ROBO2: variants seen among roughly 807,000 people sequenced by gnomAD.
ROBO2 encodes the protein roundabout homolog 2.
A neutral mutation model predicts 160.8 loss-of-function variants in ROBO2; 53 were observed. The ratio of observed to expected loss-of-function variants is 0.33; its 90% CI spans 0.26 to 0.41. ROBO2 has a LOEUF of 0.41. Ranked by LOEUF, ROBO2 falls within the 10% of genes least tolerant of loss-of-function variation. The pLI is 1.00. For synonymous variants in ROBO2, 664 were observed against 611.7 expected, an observed-to-expected ratio of 1.09 and a Z score of -1.26; for missense variants, 1,577 against 1,722.4, an observed-to-expected ratio of 0.92 and a Z score of 1.49.
At chr3:76,466,200 T>A (rs944813813) in intron 2 of ROBO2, among the ~76,000 whole-genome samples, 5 of 152,062 alleles carry the variant, frequency 3.3e-5, no homozygotes, top group African/African-American at 1.2e-4. Context: ...ATCACTCATC[T>A]TTATCTTAGC....
At chr3:75,997,577 C>G (rs1198348127) in intron 2 of ROBO2, among the ~76,000 whole-genome samples, 1 of 142,434 alleles carries the variant, frequency 7.0e-6, no homozygotes, top group Non-Finnish European at 1.5e-5. Context: ...ACTGCAAGCT[C>G]TGCCTCCCGG....
At chr3:76,274,533 C>T (rs1467453939) in intron 2 of ROBO2, among the ~76,000 whole-genome samples, 2 of 151,798 alleles carry the variant, frequency 1.3e-5, no homozygotes, top group African/African-American at 4.8e-5. Context: ...AGAACAAAAA[C>T]CCTAGTTTCA....
chr3:75,976,472 T>G (rs560256641), intron 2 of ROBO2, among the ~76,000 whole-genome samples: 2 of 151,564 alleles, frequency 1.3e-5, no homozygotes, highest in East Asian at 3.9e-4. Context: ...ATAATCCCAC[T>G]TATACAATGT....
intron 2 of ROBO2, among the ~76,000 whole-genome samples, chr3:76,607,952 T>C (rs1389722787): frequency 6.6e-6 from 1 of 152,252 alleles, no homozygotes; most frequent in East Asian, 1.9e-4. Context: ...ACTGGTTTTC[T>C]TGCTTCCAGG....
intron 13 of ROBO2, 141 bp downstream of exon 14, chr3:77,568,575 C>T: frequency 1.0e-6 from 1 of 985,204 alleles, no homozygotes; most frequent in Non-Finnish European, 1.6e-6. Context: ...TAAAGAAAAT[C>T]AACAAATTAA....
At chr3:77,378,129 G>A (rs550436772) in intron 2 of ROBO2, among the ~76,000 whole-genome samples, 1 of 152,266 alleles carries the variant, frequency 6.6e-6, no homozygotes, top group African/African-American at 2.4e-5. Context: ...AAAAAAGGTA[G>A]TATAGATAAG....
chr3:76,162,041 C>A (rs1467435954), intron 2 of ROBO2, among the ~76,000 whole-genome samples: 1 of 152,146 alleles, frequency 6.6e-6, no homozygotes, highest in African/African-American at 2.4e-5. Flanking sequence ...TAGCCTTGAG[C>A]TCTTGCTACC....
In ROBO2 at chr3:75,999,745, A is replaced by G. The variant is rs954429249; in HGVS notation, c.109+62143A>G. On this transcript the variant is annotated intron_variant, in intron 2 of 26. Coordinates refer to the ROBO2 transcript ENST00000487694. ...AAGAAAGGTAAATGATCCTCACAACATTATATTTTTGAAGTTTTCTTTTGA... is the reference window on the plus strand; with the variant it reads ...AAGAAAGGTAAATGATCCTCACAACGTTATATTTTTGAAGTTTTCTTTTGA... Among the ~76,000 whole-genome samples, 4 of 152,194 alleles carry G rather than the reference A, an allele frequency of 2.6e-5. No individual in the cohort carries two copies. In the East Asian group the frequency reaches 7.7e-4, roughly 29 times the overall value.
chr3:75,993,285 G>A (rs1331364688), intron 2 of ROBO2, among the ~76,000 whole-genome samples: 1 of 152,102 alleles, frequency 6.6e-6, no homozygotes, highest in Non-Finnish European at 1.5e-5. Flanking sequence ...TTGAATCATG[G>A]GGGTGGATCT....
chr3:77,385,005 A>T (rs931092020), intron 2 of ROBO2, among the ~76,000 whole-genome samples: 2 of 152,098 alleles, frequency 1.3e-5, no homozygotes, highest in Admixed American at 6.6e-5. Context: ...TCAAATATGA[A>T]GGGTTTTTTG....
intron 2 of ROBO2, among the ~76,000 whole-genome samples, chr3:77,397,859 A>G (rs1380366611): frequency 6.6e-6 from 1 of 152,086 alleles, no homozygotes; most frequent in Admixed American, 6.6e-5. Flanking sequence ...TTTGTCTGCA[A>G]AACCGTTTAT....
intron 2 of ROBO2, among the ~76,000 whole-genome samples, chr3:77,330,480 T>A (rs1419491172): frequency 6.6e-6 from 1 of 152,226 alleles, no homozygotes; most frequent in African/African-American, 2.4e-5. Context: ...ATCACACCAC[T>A]GCACTCCAGC....
At chr3:76,475,594 A>C (rs1339842070) in intron 2 of ROBO2, among the ~76,000 whole-genome samples, 3 of 133,198 alleles carry the variant, frequency 2.3e-5, no homozygotes, top group Non-Finnish European at 4.8e-5. Flanking sequence ...TGGGTGGGGG[A>C]GGGGGAAATG....
chr3:76,858,791 T>C (rs1445341390), intron 2 of ROBO2, among the ~76,000 whole-genome samples: 1 of 152,202 alleles, frequency 6.6e-6, no homozygotes, highest in Non-Finnish European at 1.5e-5. Flanking sequence ...ACCACTATAG[T>C]TCAGGTGTAG....
At chr3:77,420,040 G>C (rs975877355) in intron 2 of ROBO2, among the ~76,000 whole-genome samples, 1 of 152,036 alleles carries the variant, frequency 6.6e-6, no homozygotes, top group African/African-American at 2.4e-5. Flanking sequence ...CCAAATACCT[G>C]AGAACCATTG....
chr3:76,667,144 G>C lies in ROBO2; in HGVS notation c.110-430870G>C, dbSNP rs77623587. 4.0e-3 allele frequency among the ~76,000 whole-genome samples: 606 copies of C among 152,140 alleles called. 6 individuals carry two copies. Among genetic ancestry groups the C allele is most frequent in the African/African-American group, 0.014 (574 of 41,522 alleles). ...TCTTAATAGCATAAAAACGTCCCAGGGGAGAAGTTACAGGTGAGGGCAGTT... is the reference window on the plus strand; with the variant it reads ...TCTTAATAGCATAAAAACGTCCCAGCGGAGAAGTTACAGGTGAGGGCAGTT... On this transcript the variant is annotated intron_variant, in intron 2 of 26. Transcript: ENST00000487694.
intron 2 of ROBO2, among the ~76,000 whole-genome samples, chr3:76,327,942 GA>G (rs201744472): frequency 0.028 from 4,230 of 152,186 alleles, 92 homozygotes; most frequent in African/African-American, 0.063. Context: ...GTGGAAATAG[GA>G]AAAGAGGTAG....
intron 2 of ROBO2, among the ~76,000 whole-genome samples, chr3:76,946,842 T>C (rs1397670398): frequency 6.6e-6 from 1 of 152,250 alleles, no homozygotes; most frequent in Non-Finnish European, 1.5e-5. Flanking sequence ...ACCCTGGATG[T>C]TTTGTAAGCT....
At chr3:76,487,450 A>G (rs935901224) in intron 2 of ROBO2, among the ~76,000 whole-genome samples, 1 of 152,224 alleles carries the variant, frequency 6.6e-6, no homozygotes, top group Admixed American at 6.5e-5. Flanking sequence ...TGATAAAAAT[A>G]TATAGATTTT....
Sources: allele counts gnomAD v4.1 joint callset (sites outside exome capture counted in the v4.1 genomes callset), GRCh38; gene constraint gnomAD v4.1.1; transcripts MANE v1.5; gene names NCBI Gene and HGNC (gene_info 2026-07-23, HGNC 2026-07-21).